Variants in PPP2R5C observed in about 807,000 individuals in gnomAD.
PPP2R5C encodes the protein protein phosphatase 2 regulatory subunit B'gamma.
Under a neutral mutation model 68.9 loss-of-function variants are expected in PPP2R5C, and 7 were observed. That is an observed-to-expected ratio of 0.10 (90% CI 0.06 to 0.19). The LOEUF is 0.19. PPP2R5C is among the 10% of genes least tolerant of loss of function. The pLI, the probability that PPP2R5C is intolerant of heterozygous loss-of-function variation, is 1.00. For synonymous variants in PPP2R5C, 210 were observed against 222.2 expected (o/e 0.95, Z 0.49); for missense variants, 348 against 641.3 (o/e 0.54, Z 4.94).
chr14:101,767,275 G>A (rs2036909095), intron 2 of PPP2R5C, among the ~76,000 whole-genome samples: 1 of 152,162 alleles, frequency 6.6e-6, no homozygotes, highest in African/African-American at 2.4e-5. Flanking sequence ...GGTCGCATAG[G>A]TGCTAGGCGG....
intron 2 of PPP2R5C, among the ~76,000 whole-genome samples, chr14:101,785,292 C>T (rs754261793): frequency 1.8e-4 from 27 of 152,178 alleles, no homozygotes; most frequent in Non-Finnish European, 3.5e-4. Context: ...GTACAAGTTA[C>T]ACATGCAGTG....
chr14:101,800,356 G>A (rs2038806225), intron 3 of PPP2R5C, among the ~76,000 whole-genome samples: 1 of 152,240 alleles, frequency 6.6e-6, no homozygotes, highest in Admixed American at 6.5e-5. Context: ...GAGCTCAGGA[G>A]TTTGAGACCA....
chr14:101,853,634 TC>T (rs1310221863), intron 1 of PPP2R5C, among the ~76,000 whole-genome samples: 2 of 152,190 alleles, frequency 1.3e-5, no homozygotes, highest in Non-Finnish European at 1.5e-5. Flanking sequence ...GATCCCAACA[TC>T]CTTTTGAGTT....
chr14:101,925,239 G>A (rs1318292020), exon 14 of PPP2R5C: 1 of 1,613,666 alleles, frequency 6.2e-7, no homozygotes, highest in Non-Finnish European at 8.5e-7. Flanking sequence ...CTCACTGCAG[G>A]GCCGATGAGC....
upstream of PPP2R5C, among the ~76,000 whole-genome samples, chr14:101,805,070 ATTG>A (rs2140157803): frequency 6.6e-6 from 1 of 152,232 alleles, no homozygotes; most frequent in East Asian, 1.9e-4. Flanking sequence ...AATTGGAACT[ATTG>A]TTGTGCACTG....
At chr14:101,800,889 A>G (rs559586954) in intron 3 of PPP2R5C, among the ~76,000 whole-genome samples, 12 of 152,364 alleles carry the variant, frequency 7.9e-5, no homozygotes, top group African/African-American at 2.9e-4. Context: ...TTATTCAGCC[A>G]TAAGAAAGAA....
intron 1 of PPP2R5C, chr14:101,819,578 T>C (rs1480123011): frequency 1.3e-5 from 2 of 151,502 alleles, no homozygotes; most frequent in Non-Finnish European, 2.9e-5. Flanking sequence ...TTTGGGTTTG[T>C]TTTTAGTTTT....
At chr14:101,918,048 G>A in intron 13 of PPP2R5C, 101 bp downstream of exon 15, 3 of 1,506,040 alleles carry the variant, frequency 2.0e-6, no homozygotes, top group Non-Finnish European at 2.7e-6. Flanking sequence ...TTCTGTTTAA[G>A]CTGAAATTAA....
At chr14:101,861,862 A>C (rs1401475917) in intron 2 of PPP2R5C, among the ~76,000 whole-genome samples, 3 of 152,212 alleles carry the variant, frequency 2.0e-5, no homozygotes, top group African/African-American at 7.2e-5. Flanking sequence ...TAAGGAAAAT[A>C]ACTGACAGAG....
intron 3 of PPP2R5C, among the ~76,000 whole-genome samples, chr14:101,798,912 CTG>C (rs2038738879): frequency 1.3e-5 from 2 of 152,172 alleles, no homozygotes; most frequent in African/African-American, 2.4e-5. Flanking sequence ...GGAATGGGGT[CTG>C]TGTTCAGGGG....
At chr14:101,922,500 T>C (rs958901144) in intron 13 of PPP2R5C, among the ~76,000 whole-genome samples, 22 of 98,530 alleles carry the variant, frequency 2.2e-4, no homozygotes, top group Non-Finnish European at 3.1e-4. Flanking sequence ...AAAATAAATA[T>C]AAAATAATTT....
At chr14:101,858,757 G>C (rs988220150) in intron 2 of PPP2R5C, among the ~76,000 whole-genome samples, 1 of 152,074 alleles carries the variant, frequency 6.6e-6, no homozygotes, top group Admixed American at 6.6e-5. Flanking sequence ...GAAAGTCTCT[G>C]ATTCCCACTC....
At chr14:101,861,961 G>C (rs527568245) in intron 2 of PPP2R5C, among the ~76,000 whole-genome samples, 1 of 152,126 alleles carries the variant, frequency 6.6e-6, no homozygotes, top group African/African-American at 2.4e-5. Flanking sequence ...TTGCCCAGGC[G>C]GAGTGCAGTG....
intron 12 of PPP2R5C, chr14:101,914,434 C>T (rs974286858): frequency 1.8e-5 from 4 of 223,812 alleles, no homozygotes; most frequent in Admixed American, 5.3e-5. Context: ...CTTCCCATTA[C>T]AACAGCAACA....
At chr14:101,772,330 C>T (rs1197971354) in intron 2 of PPP2R5C, among the ~76,000 whole-genome samples, 1 of 151,830 alleles carries the variant, frequency 6.6e-6, no homozygotes, top group Non-Finnish European at 1.5e-5. Flanking sequence ...CTGTGGTTGG[C>T]CTACACCTGA....
intron 13 of PPP2R5C, among the ~76,000 whole-genome samples, chr14:101,922,482 CTG>C (rs1418835838): frequency 3.9e-5 from 4 of 101,780 alleles, no homozygotes; most frequent in Admixed American, 3.6e-4. Context: ...GAGCGAGACT[CTG>C]TGTCAAAAAT....
At chr14:101,813,925 C>T (rs2039510613) in intron 1 of PPP2R5C, among the ~76,000 whole-genome samples, 2 of 152,186 alleles carry the variant, frequency 1.3e-5, no homozygotes, top group African/African-American at 4.8e-5. Flanking sequence ...AAGGTCTTCA[C>T]CTTTCCAATA....
rs537407724 is a variant in PPP2R5C at position 101,803,714 on chromosome 14, A to G, written c.259+17531A>G. Reference sequence around the variant, plus strand: ...ACTTGCACTCCAGCCTGGACAGCAGAGCAAGACTCCATCTCAAAAAAAAAA... The same window carrying G: ...ACTTGCACTCCAGCCTGGACAGCAGGGCAAGACTCCATCTCAAAAAAAAAA... On this transcript the variant is annotated intron_variant, in intron 3 of 14. Transcript: ENST00000328724. Among the ~76,000 whole-genome samples, 95 of 151,682 alleles carry G rather than the reference A, an allele frequency of 6.3e-4. 2 individuals carry two copies. Among genetic ancestry groups the G allele is most frequent in the Admixed American group, 1.6e-3 (24 of 15,214 alleles).
chr14:101,765,556 C>T, intron 2 of PPP2R5C: 1 of 256,214 alleles, frequency 3.9e-6, no homozygotes, highest in Non-Finnish European at 7.4e-6. Context: ...CATTCCCATG[C>T]TGCTTTCAAG....
Sources: gnomAD v4.1 joint callset for allele counts (sites outside exome capture counted in the v4.1 genomes callset) on GRCh38, gnomAD v4.1.1 for gene constraint, MANE v1.5 for transcripts, NCBI Gene and HGNC (gene_info 2026-07-23, HGNC 2026-07-21) for gene names.